RASSF8: variants seen among roughly 807,000 people sequenced by gnomAD.
The protein encoded by RASSF8 is ras association domain-containing protein 8.
Under a neutral mutation model 48.5 loss-of-function variants are expected in RASSF8, and 22 were observed. The ratio of observed to expected loss-of-function variants is 0.45; its 90% CI spans 0.32 to 0.65. The LOEUF (loss-of-function observed/expected upper bound fraction) is 0.65. Among genes scored for constraint, RASSF8 ranks in the 30% least tolerant of loss-of-function variants. The pLI is 0.03. For synonymous variants in RASSF8, 127 were observed against 171.5 expected, an observed-to-expected ratio of 0.74 and a Z score of 2.03; for missense variants, 418 against 489.2, an observed-to-expected ratio of 0.85 and a Z score of 1.37.
chr12:25,985,537 G>A (rs377041392), intron 1 of RASSF8, among the ~76,000 whole-genome samples: 16 of 152,376 alleles, frequency 1.1e-4, no homozygotes, highest in African/African-American at 3.8e-4. Flanking sequence ...GGGGTAGGCA[G>A]ATGGCAGCAT....
Position 26,064,926 on chromosome 12 carries a change from C to T in RASSF8, c.532C>T (p.Gln178Ter). The change falls in exon 4 of 6, where the codon CAA (glutamine) becomes TAA (stop). Residue 178 changes from glutamine (Q) to a stop codon, truncating the protein, a stop_gained. Transcript: ENST00000689635. LOFTEE classifies it high-confidence loss of function. Reference sequence around the variant, plus strand: ...AATCCGTCTGCAGACAGAGAAGCTTCAATCCATTGAGAAACAGCTGGAATC... The same window carrying T: ...AATCCGTCTGCAGACAGAGAAGCTTTAATCCATTGAGAAACAGCTGGAATC... Reference protein sequence around the residue: ...KLIRLQTEKLQSIEKQLESNE... With the variant: ...KLIRLQTEKL The T allele has an allele frequency of 6.2e-7, 1 of 1,614,098 alleles. No homozygotes were observed.
intron 2 of RASSF8, among the ~76,000 whole-genome samples, chr12:26,053,924 G>T (rs1169902481): frequency 6.6e-6 from 1 of 152,156 alleles, no homozygotes; most frequent in Non-Finnish European, 1.5e-5. Flanking sequence ...ACCTATCCAG[G>T]TGACCAGATG....
exon 6 of RASSF8, chr12:26,079,515 C>CG (rs1444070025): frequency 6.6e-6 from 1 of 151,394 alleles, no homozygotes; most frequent in African/African-American, 2.4e-5. Context: ...TGTTTGAACC[C>CG]GGGAGGTGGA....
intron 1 of RASSF8, among the ~76,000 whole-genome samples, chr12:25,992,657 G>T (rs1165263402): frequency 6.6e-6 from 1 of 152,182 alleles, no homozygotes; most frequent in Non-Finnish European, 1.5e-5. Context: ...ACTGAAGTGG[G>T]GTGAGGTAAT....
intron 2 of RASSF8, among the ~76,000 whole-genome samples, chr12:26,034,663 C>A (rs758930812): frequency 6.6e-6 from 1 of 152,034 alleles, no homozygotes; most frequent in Non-Finnish European, 1.5e-5. Context: ...CCTTTTCCTC[C>A]AGCATTTATT....
At chr12:26,045,874 G>A (rs1943361945) in intron 2 of RASSF8, among the ~76,000 whole-genome samples, 3 of 152,156 alleles carry the variant, frequency 2.0e-5, no homozygotes, top group Admixed American at 1.3e-4. Context: ...TACCTGAATG[G>A]TGACTGGAAG....
At chr12:25,997,287 G>A (rs1217512041) in intron 2 of RASSF8, among the ~76,000 whole-genome samples, 2 of 152,034 alleles carry the variant, frequency 1.3e-5, no homozygotes, top group Non-Finnish European at 2.9e-5. Context: ...CATAAAATAC[G>A]TTAGTGAAGG....
intron 2 of RASSF8, among the ~76,000 whole-genome samples, chr12:26,005,942 G>A (rs1226738477): frequency 1.3e-5 from 2 of 152,148 alleles, no homozygotes; most frequent in Non-Finnish European, 2.9e-5. Context: ...TTTTTCATCT[G>A]TCTTTGTCAT....
chr12:26,058,555 C>T (rs968815247), intron 3 of RASSF8, among the ~76,000 whole-genome samples: 1 of 150,670 alleles, frequency 6.6e-6, no homozygotes, highest in Non-Finnish European at 1.5e-5. Flanking sequence ...CACACACACA[C>T]ACACACAGAG....
chr12:26,007,148 T>C (rs569995262), intron 2 of RASSF8, among the ~76,000 whole-genome samples: 1 of 152,122 alleles, frequency 6.6e-6, no homozygotes, highest in African/African-American at 2.4e-5. Context: ...CTGGCAGAGC[T>C]CATAGTGAGA....
At chr12:26,034,869 C>T (rs2137123931) in intron 2 of RASSF8, among the ~76,000 whole-genome samples, 2 of 152,186 alleles carry the variant, frequency 1.3e-5, no homozygotes, top group East Asian at 1.9e-4. Flanking sequence ...AAACACCATA[C>T]AGCAGATTCA....
intron 1 of RASSF8, among the ~76,000 whole-genome samples, chr12:25,972,839 C>T (rs898288229): frequency 2.6e-5 from 4 of 152,184 alleles, no homozygotes; most frequent in South Asian, 2.1e-4. Context: ...GTGCACAGAT[C>T]GAGAATACAG....
At chr12:26,020,073 A>G (rs1942751007) in intron 2 of RASSF8, 2 of 152,192 alleles carry the variant, frequency 1.3e-5, no homozygotes, top group South Asian at 2.1e-4. Context: ...ATTACTGTAT[A>G]TAGCAAAATA....
At chr12:25,970,097 CTT>C (rs1035793774) in intron 1 of RASSF8, among the ~76,000 whole-genome samples, 19 of 142,696 alleles carry the variant, frequency 1.3e-4, no homozygotes, top group Non-Finnish European at 1.1e-4. Flanking sequence ...TACGACCCCA[CTT>C]TTTTTTTTTT....
Position 26,065,042 on chromosome 12 carries a change from C to G in RASSF8, c.648C>G (p.Asn216Lys), listed in dbSNP as rs748526616. The change falls in exon 4 of 6, where the codon AAC becomes AAG. Residue 216 changes from asparagine (N) to lysine (K), a missense_variant. Coordinates refer to ENST00000689635, the MANE Select transcript of RASSF8 (RefSeq NM_001394098.1). ...GTCTAGAGCAAAAGATCAAAAGAAA[C>G]GATGTAGAAATTGAGGAGGAAGAAT... ...IVRLEQKIKR[N>K]DVEIEEEEFW... 44 of 1,612,946 alleles carry G rather than the reference C, an allele frequency of 2.7e-5. No individual in the cohort carries two copies. The highest frequency in any genetic ancestry group is 3.4e-5 in the Non-Finnish European group (40 of 1,179,626).
rs1437134977 is a variant in RASSF8 at position 26,070,385 on chromosome 12, C to A, written c.*1567C>A. On this transcript the variant is annotated 3_prime_UTR_variant, in exon 6 of 6. Transcript: ENST00000689635. ...TGGCTATGAGACTGTATAGAAGCTT[C>A]TAGAGAACTGAAAGTCATAATGCAG... The A allele has an allele frequency of 4.1e-6, 4 of 985,204 alleles. No homozygotes were observed. Among genetic ancestry groups the A allele is most frequent in the Non-Finnish European group, 4.8e-6 (4 of 829,872 alleles). 61.0% of individuals were successfully genotyped at this position (985,204 alleles called of 1,614,324 possible).
chr12:26,063,203 T>G (rs1943784944), intron 3 of RASSF8, among the ~76,000 whole-genome samples: 1 of 152,216 alleles, frequency 6.6e-6, no homozygotes, highest in Non-Finnish European at 1.5e-5. Context: ...GTTGGTTTTT[T>G]TTCTTTGTAA....
rs140564386 is a variant in RASSF8, at chr12:26,041,043, G to A, written c.-108-14193G>A. Among the ~76,000 whole-genome samples the A allele has an allele frequency of 7.3e-3, 894 of 122,108 alleles. 9 individuals carry two copies. Among genetic ancestry groups the A allele is most frequent in the African/African-American group, 0.021 (704 of 33,368 alleles). The allele number at this position is 122,108 out of a possible 152,430, so 80.1% of individuals were successfully genotyped here. ...ATTGGGACTACGGGTGCCCGCCACC[G>A]CGCCTGGTTAATTTTTTTTTTTGTA... On this transcript the variant is annotated intron_variant, in intron 2 of 5. Coordinates refer to ENST00000689635, the MANE Select transcript of RASSF8 (RefSeq NM_001394098.1).
rs545351478 is a variant in RASSF8 at position 26,035,234 on chromosome 12, A to G, written c.-108-20002A>G. Among the ~76,000 whole-genome samples, 73 of 152,020 alleles carry G rather than the reference A, an allele frequency of 4.8e-4. 1 individual carries two copies. The highest frequency in any genetic ancestry group is 1.7e-3 in the African/African-American group (72 of 41,480). On this transcript the variant is annotated intron_variant, in intron 2 of 5. Transcript: ENST00000689635. ...TAGTGATAGCTAGTCCCTGTCTTCA[A>G]AGTTGGCTGAGAAGAATGCTACTTC...
Sources: allele counts gnomAD v4.1 joint callset (sites outside exome capture counted in the v4.1 genomes callset), GRCh38; gene constraint gnomAD v4.1.1; transcripts MANE v1.5; gene names NCBI Gene and HGNC (gene_info 2026-07-23, HGNC 2026-07-21).